Variants in ACER2 observed in about 807,000 individuals in gnomAD.
ACER2 encodes the protein alkaline ceramidase 2.
A neutral mutation model predicts 34.7 loss-of-function variants in ACER2; 26 were observed. The observed-to-expected ratio is 0.75, with a 90% CI of 0.55 to 1.04. The LOEUF is 1.04. Ranked by LOEUF, ACER2 falls within the 50% of genes least tolerant of loss-of-function variation. The pLI, the probability that ACER2 is intolerant of heterozygous loss-of-function variation, is 0.00. For synonymous variants in ACER2, 138 were observed against 132.1 expected (o/e 1.04, Z -0.31); for missense variants, 352 against 340.8 (o/e 1.03, Z -0.26).
intron 4 of ACER2, among the ~76,000 whole-genome samples, chr9:19,440,755 A>G (rs117739062): frequency 0.016 from 2,482 of 152,244 alleles, 30 homozygotes; most frequent in Non-Finnish European, 0.026. Context: ...TAATTCCTCT[A>G]CATATGTGGA....
chr9:19,424,028 T>C (rs1830489919), intron 2 of ACER2, 52 bp downstream of exon 2: 2 of 1,358,548 alleles, frequency 1.5e-6, no homozygotes, highest in Non-Finnish European at 2.1e-6. Context: ...GGGATGGGGG[T>C]AGAAGGAATT....
At chr9:19,409,235 G>A (rs1299459465) in intron 1 of ACER2, 43 bp downstream of exon 1, 16 of 1,536,536 alleles carry the variant, frequency 1.0e-5, no homozygotes, top group Middle Eastern at 1.7e-4. Flanking sequence ...GCCAGCGGGA[G>A]GGGGCTGTTC....
At chr9:19,413,242 ATT>A (rs1830142113) in intron 1 of ACER2, among the ~76,000 whole-genome samples, 1 of 152,262 alleles carries the variant, frequency 6.6e-6, no homozygotes, top group East Asian at 1.9e-4. Context: ...ACTTGTGCAC[ATT>A]TTATACTGTT....
intron 1 of ACER2, among the ~76,000 whole-genome samples, chr9:19,417,131 A>C (rs1830263705): frequency 6.6e-6 from 1 of 152,240 alleles, no homozygotes; most frequent in South Asian, 2.1e-4. Context: ...CAATTGCTAC[A>C]AAGAGAATAA....
chr9:19,413,539 G>A (rs917647070), intron 1 of ACER2, among the ~76,000 whole-genome samples: 17 of 151,750 alleles, frequency 1.1e-4, no homozygotes, highest in African/African-American at 4.1e-4. Flanking sequence ...GGTGGAGGTT[G>A]CAGTGAGCCA....
chr9:19,434,788 C>T (rs564633349), intron 3 of ACER2, among the ~76,000 whole-genome samples, 159 bp from the exon 4 acceptor site: 6 of 152,112 alleles, frequency 3.9e-5, no homozygotes, highest in East Asian at 3.9e-4. Context: ...GACGAAGTCT[C>T]GCTCTGTCGC....
intron 3 of ACER2, among the ~76,000 whole-genome samples, chr9:19,427,540 G>C (rs934637570): frequency 2.0e-5 from 3 of 152,128 alleles, no homozygotes; most frequent in African/African-American, 7.2e-5. Context: ...CAGGATTTCT[G>C]TAGATCAGGG....
intron 4 of ACER2, among the ~76,000 whole-genome samples, chr9:19,441,338 A>G (rs912503272): frequency 2.0e-5 from 3 of 152,038 alleles, no homozygotes; most frequent in South Asian, 4.1e-4. Context: ...CATGAGCCAC[A>G]TGCCCAGCCC....
At chr9:19,422,104 T>C (rs1374163453) in intron 1 of ACER2, among the ~76,000 whole-genome samples, 1 of 149,380 alleles carries the variant, frequency 6.7e-6, no homozygotes, top group African/African-American at 2.5e-5. Flanking sequence ...GGCAACATAG[T>C]GAGACCACCA....
At chr9:19,443,215 G>C (rs1259557839) in intron 4 of ACER2, among the ~76,000 whole-genome samples, 2 of 152,106 alleles carry the variant, frequency 1.3e-5, no homozygotes, top group Non-Finnish European at 1.5e-5. Context: ...TGTATTTTTA[G>C]TAGAGACAGG....
chr9:19,449,222 T>C (rs546879551), intron 5 of ACER2, among the ~76,000 whole-genome samples: 5 of 152,386 alleles, frequency 3.3e-5, no homozygotes, highest in East Asian at 3.9e-4. Flanking sequence ...GTGCCACTTA[T>C]GCATATTTGC....
At chr9:19,441,243 G>A (rs545558395) in intron 4 of ACER2, among the ~76,000 whole-genome samples, 3 of 152,046 alleles carry the variant, frequency 2.0e-5, no homozygotes, top group Admixed American at 2.0e-4. Flanking sequence ...TAGAGATGGG[G>A]TTTCACCATG....
At chr9:19,450,165 T>G (rs1831514819) in intron 5 of ACER2, 1 of 980,272 alleles carries the variant, frequency 1.0e-6, no homozygotes, top group Non-Finnish European at 1.2e-6. Context: ...TGGGCCTCAG[T>G]CTTCTTGTTT....
At chr9:19,419,543 A>C (rs1029643596) in intron 1 of ACER2, among the ~76,000 whole-genome samples, 1 of 152,154 alleles carries the variant, frequency 6.6e-6, no homozygotes, top group Non-Finnish European at 1.5e-5. Flanking sequence ...AGGCAGGCGG[A>C]TCACTTGAGG....
At chr9:19,415,622 A>G (rs1830220325) in intron 1 of ACER2, among the ~76,000 whole-genome samples, 1 of 152,236 alleles carries the variant, frequency 6.6e-6, no homozygotes, top group Non-Finnish European at 1.5e-5. Flanking sequence ...ATAATATATA[A>G]ATACATTTAA....
intron 4 of ACER2, among the ~76,000 whole-genome samples, chr9:19,439,934 C>T (rs769568928): frequency 2.6e-5 from 4 of 152,048 alleles, no homozygotes; most frequent in Admixed American, 6.6e-5. Context: ...GAGATCACGC[C>T]ATTGCACTAC....
Position 19,423,925 on chromosome 9 carries a change from A to G in ACER2, c.172A>G (p.Thr58Ala), listed in dbSNP as rs764512725. 6.2e-6 allele frequency: 10 copies of G among 1,614,026 alleles called. No individual in the cohort carries two copies. In the Admixed American group the frequency reaches 1.7e-4, roughly 27 times the overall value. The stretch of plus-strand genomic sequence containing the variant: ...CATGTGCTTGTTTCGTCAGTATGCA[A>G]CATGCTTCAACAGTGGCATCTACTT... ...ICMCLFRQYA[T>A]CFNSGIYLIW... is the part of the protein sequence containing the mutation. Residue 58 changes from threonine (T) to alanine (A), a missense_variant, in exon 2 of 6, where the codon ACA becomes GCA. Physicochemically the swap from Thr to Ala is moderately conservative, Grantham distance 58. Coordinates refer to ENST00000340967, the MANE Select transcript of ACER2 (RefSeq NM_001010887.3).
At chr9:19,432,041 T>C (rs1830770749) in intron 3 of ACER2, among the ~76,000 whole-genome samples, 1 of 152,206 alleles carries the variant, frequency 6.6e-6, no homozygotes, top group Middle Eastern at 3.2e-3. Flanking sequence ...CTTTTCGTTT[T>C]ACAGATAAGG....
intron 5 of ACER2, 46 bp downstream of exon 5, chr9:19,446,464 CA>C (rs1831368273): frequency 6.2e-7 from 1 of 1,612,282 alleles, no homozygotes; most frequent in Admixed American, 1.7e-5. Flanking sequence ...GGTGTGTTTG[CA>C]CTTGCTGTTG....
Sources: gnomAD v4.1 joint callset for allele counts (sites outside exome capture counted in the v4.1 genomes callset) on GRCh38, gnomAD v4.1.1 for gene constraint, MANE v1.5 for transcripts, NCBI Gene and HGNC (gene_info 2026-07-23, HGNC 2026-07-21) for gene names.